The following LMNTD1 variants were observed in gnomAD, a reference collection of about 807,000 sequenced individuals.
LMNTD1 encodes the protein lamin tail domain-containing protein 1.
LMNTD1 carries 35 observed loss-of-function variants against 50.9 expected under a neutral mutation model. The ratio of observed to expected loss-of-function variants is 0.69; its 90% confidence interval spans 0.53 to 0.91. The LOEUF (loss-of-function observed/expected upper bound fraction) is 0.91, where lower values mean the gene tolerates loss of function less well. Among genes scored for constraint, LMNTD1 ranks in the 40% least tolerant of loss-of-function variants. LMNTD1 has a pLI of 0.00. For missense variants in LMNTD1, 470 were observed against 475.5 expected, an observed-to-expected ratio of 0.99 and a Z score of 0.11; for synonymous variants, 153 against 161.9, an observed-to-expected ratio of 0.94 and a Z score of 0.42.
chr12:25,575,938 G>C (rs1420552860), intron 1 of LMNTD1, among the ~76,000 whole-genome samples: 1 of 152,152 alleles, frequency 6.6e-6, no homozygotes, highest in African/African-American at 2.4e-5. Context: ...AGAACATGGG[G>C]TGTTTGGTTT....
chr12:25,635,676 A>G (rs1565531234), intron 1 of LMNTD1, among the ~76,000 whole-genome samples: 1 of 152,220 alleles, frequency 6.6e-6, no homozygotes, highest in Non-Finnish European at 1.5e-5. Context: ...CCACGTAGCC[A>G]AAGGAAGACT....
rs150358613 is a variant in LMNTD1 at position 25,589,492 on chromosome 12, G to T, written c.59-42938C>A. Among the ~76,000 whole-genome samples the T allele has an allele frequency of 9.7e-4, 148 of 152,252 alleles. 3 individuals carry two copies. The East Asian group carries it at 0.026, about 27-fold the overall frequency. On this transcript the variant is annotated intron_variant, in intron 1 of 7. Coordinates refer to the LMNTD1 transcript ENST00000445693. ...ATTGGGGATGGAGGGAGACACAGGT[G>T]ACTTCAAGACATAGTTAATGCTGTA...
At chr12:25,555,055 T>G (rs1943980481), upstream of LMNTD1, among the ~76,000 whole-genome samples, 1 of 145,418 alleles carries the variant, frequency 6.9e-6, no homozygotes, top group African/African-American at 2.6e-5. Context: ...ACAGAACCAG[T>G]CTCCGTCATT....
chr12:25,484,164 A>C (rs923293728), intron 9 of LMNTD1, among the ~76,000 whole-genome samples: 1 of 152,054 alleles, frequency 6.6e-6, no homozygotes, highest in Non-Finnish European at 1.5e-5. Flanking sequence ...GCTTTCAATT[A>C]AAGTCAACTT....
At chr12:25,597,673 C>T (rs1945872017) in intron 1 of LMNTD1, among the ~76,000 whole-genome samples, 1 of 152,114 alleles carries the variant, frequency 6.6e-6, no homozygotes, top group Non-Finnish European at 1.5e-5. Context: ...CAGAACTTTT[C>T]ACCCAATGGC....
intron 8 of LMNTD1, among the ~76,000 whole-genome samples, chr12:25,511,921 T>C (rs909035945): frequency 5.9e-5 from 9 of 152,174 alleles, no homozygotes; most frequent in African/African-American, 2.2e-4. Context: ...TTGCCCCCCC[T>C]CTTTTCAACC....
intron 4 of LMNTD1, among the ~76,000 whole-genome samples, chr12:25,530,062 A>T (rs1462256388): frequency 6.6e-6 from 1 of 152,044 alleles, no homozygotes; most frequent in Non-Finnish European, 1.5e-5. Flanking sequence ...ATGGAATCTC[A>T]TTGTATTTAA....
intron 1 of LMNTD1, among the ~76,000 whole-genome samples, chr12:25,606,907 G>T (rs1360951828): frequency 5.9e-5 from 9 of 152,174 alleles, no homozygotes; most frequent in Non-Finnish European, 2.9e-5. Flanking sequence ...AGAAGGAACG[G>T]TATCAGCTCC....
At position 25,518,889 on chromosome 12, in the gene LMNTD1, G is replaced by A. The variant is rs1401155713; in HGVS notation, c.1095C>T (p.Tyr365=). The change falls in exon 8 of 10, where the codon TAC becomes TAT. Residue 365 remains tyrosine, a synonymous_variant. Transcript: ENST00000458174. ...TATTGTGTGGTTCAATCAGAGGACAGTAAGGATGTGCAGAGACATAGGGAT... is the reference window on the plus strand; with the variant it reads ...TATTGTGTGGTTCAATCAGAGGACAATAAGGATGTGCAGAGACATAGGGAT... ...CQNPYVSAHP[Y]CPLIEPHNTS... 17 of 1,614,138 alleles carry A rather than the reference G, an allele frequency of 1.1e-5. No homozygotes were observed. The highest frequency in any genetic ancestry group is 1.4e-5 in the Non-Finnish European group (16 of 1,180,004).
chr12:25,537,810 A>G (rs1169785550), intron 4 of LMNTD1, among the ~76,000 whole-genome samples: 1 of 151,986 alleles, frequency 6.6e-6, no homozygotes, highest in African/African-American at 2.4e-5. Flanking sequence ...AAGGCAAAGA[A>G]GTTGAAAACT....
At chr12:25,547,973 G>A (rs1943529445) in intron 3 of LMNTD1, among the ~76,000 whole-genome samples, 1 of 151,582 alleles carries the variant, frequency 6.6e-6, no homozygotes, top group African/African-American at 2.4e-5. Context: ...TCATTTTTTT[G>A]CCCCATTACA....
chr12:25,524,760 A>T (rs1468235509), intron 6 of LMNTD1, among the ~76,000 whole-genome samples: 1 of 152,186 alleles, frequency 6.6e-6, no homozygotes, highest in Non-Finnish European at 1.5e-5. Flanking sequence ...ATGAAAATTA[A>T]TCTAAGTAAA....
chr12:25,549,690 A>G (rs1038041296), intron 2 of LMNTD1, 144 bp from the exon 3 acceptor site: 2 of 435,538 alleles, frequency 4.6e-6, no homozygotes, highest in Non-Finnish European at 8.0e-6. Flanking sequence ...AACATCTTGT[A>G]TTTCTAGTTT....
chr12:25,558,119 C>T (rs1241579646), upstream of LMNTD1, among the ~76,000 whole-genome samples: 1 of 152,150 alleles, frequency 6.6e-6, no homozygotes, highest in Non-Finnish European at 1.5e-5. Flanking sequence ...AGATCAGTAT[C>T]AGTTGTAATG....
At chr12:25,494,859 A>C (rs941709326) in intron 9 of LMNTD1, among the ~76,000 whole-genome samples, 2 of 152,160 alleles carry the variant, frequency 1.3e-5, no homozygotes, top group African/African-American at 4.8e-5. Flanking sequence ...GCAAAAACAT[A>C]TAAGATCTAC....
upstream of LMNTD1, among the ~76,000 whole-genome samples, chr12:25,554,705 A>G (rs2136273370): frequency 6.6e-6 from 1 of 152,300 alleles, no homozygotes; most frequent in South Asian, 2.1e-4. Context: ...AGATAATCCT[A>G]CTTAGTAAAT....
intron 1 of LMNTD1, among the ~76,000 whole-genome samples, chr12:25,580,934 T>A: frequency 6.6e-6 from 1 of 152,154 alleles, no homozygotes. Flanking sequence ...ACCGGGTTGT[T>A]AAGAGAACAA....
At chr12:25,533,577 C>T (rs1189748863) in intron 4 of LMNTD1, among the ~76,000 whole-genome samples, 2 of 152,150 alleles carry the variant, frequency 1.3e-5, no homozygotes, top group Non-Finnish European at 1.5e-5. Context: ...CCTAACATTT[C>T]CTATATAGGT....
chr12:25,581,570 A>G (rs1945289240), intron 1 of LMNTD1, among the ~76,000 whole-genome samples: 1 of 152,214 alleles, frequency 6.6e-6, no homozygotes, highest in African/African-American at 2.4e-5. Context: ...ATAGGTATCA[A>G]ATTCTGACAT....
Sources: gnomAD v4.1 joint callset for allele counts (sites outside exome capture counted in the v4.1 genomes callset) on GRCh38, gnomAD v4.1.1 for gene constraint, MANE v1.5 for transcripts, NCBI Gene and HGNC (gene_info 2026-07-23, HGNC 2026-07-21) for gene names.